RSPH14: variants seen among roughly 807,000 people sequenced by gnomAD.
RSPH14 encodes the protein rhabdoid tumor deletion region gene 1.
RSPH14 carries 20 observed loss-of-function variants against 26.7 expected under a neutral mutation model. The ratio of observed to expected loss-of-function variants is 0.75; its 90% confidence interval spans 0.53 to 1.09. The LOEUF is 1.09. RSPH14 is among the 50% of genes least tolerant of loss of function. The probability of loss-of-function intolerance (pLI) is 0.00; values close to 1 mark genes in which losing one functional copy is unlikely to be tolerated. For synonymous variants in RSPH14, 177 were observed against 189.3 expected, an observed-to-expected ratio of 0.93 and a Z score of 0.53; for missense variants, 449 against 457.2, an observed-to-expected ratio of 0.98 and a Z score of 0.16.
At chr22:23,156,296 A>G in the RSPH14 span, 2 of 383,978 alleles carry the variant, frequency 5.2e-6, no homozygotes, top group South Asian at 5.1e-5. Flanking sequence ...GCTCATAAAG[A>G]TGCTCAGAGA....
At chr22:23,111,135 T>C (rs2146362445) in intron 4 of RSPH14, among the ~76,000 whole-genome samples, 1 of 152,318 alleles carries the variant, frequency 6.6e-6, no homozygotes, top group African/African-American at 2.4e-5. Flanking sequence ...CTCCACCTGC[T>C]CTCACACTGA....
Position 23,138,852 on chromosome 22 carries a change from T to G in RSPH14, c.290A>C (p.His97Pro). Residue 97 changes from histidine (H) to proline (P), a missense_variant, in exon 3 of 7, where the codon CAT becomes CCT. Transcript: ENST00000216036. ...AACAGCATCCCACCTGCCCACGCTA[T>G]GGCTTGCCGTGATGTGGAGCACCTC... ...TTEVLHITAS[H>P]SVGRYAFLEH... The G allele has an allele frequency of 6.4e-7, 1 of 1,551,412 alleles. No individual in the cohort carries two copies. Among genetic ancestry groups the G allele is most frequent in the Non-Finnish European group, 8.7e-7 (1 of 1,147,106 alleles).
rs1001255152 is a variant in RSPH14, at chr22:23,059,577, G to A, written c.932C>T (p.Thr311Met). Residue 311 changes from threonine (T) to methionine (M), a missense_variant, in exon 7 of 7, where the codon ACG becomes ATG. Transcript: ENST00000216036. Reference protein sequence around the residue: ...EAPEGRKALQTHVPTFRAMEV... With the variant: ...EAPEGRKALQMHVPTFRAMEV... ...CATGGCACGGAAAGTGGGCACGTGCGTCTGCAGGGCCTTGCGGCCCTCGGG... is the reference window on the plus strand; with the variant it reads ...CATGGCACGGAAAGTGGGCACGTGCATCTGCAGGGCCTTGCGGCCCTCGGG... 9 of 1,614,074 alleles carry A rather than the reference G, an allele frequency of 5.6e-6. No individual in the cohort carries two copies. Among genetic ancestry groups the A allele is most frequent in the East Asian group, 4.5e-5 (2 of 44,902 alleles).
chr22:23,128,314 G>C (rs2070233356), intron 4 of RSPH14, among the ~76,000 whole-genome samples: 1 of 152,188 alleles, frequency 6.6e-6, no homozygotes, highest in Non-Finnish European at 1.5e-5. Context: ...GGACACTCTG[G>C]CCTCTTGGTT....
At position 23,095,481 on chromosome 22, in the gene RSPH14, GA is replaced by G; in HGVS notation, c.422-31349del. 4 of 575,674 alleles carry G rather than the reference GA, an allele frequency of 6.9e-6. No individual in the cohort carries two copies. In the South Asian group the frequency reaches 9.4e-5, roughly 14 times the overall value. 35.7% of individuals were successfully genotyped at this position (575,674 alleles called of 1,614,324 possible). On this transcript the variant is annotated intron_variant, in intron 4 of 6. Transcript: ENST00000216036. The stretch of plus-strand genomic sequence containing the variant: ...AGGGAGGTGGAGTGTCACTAGTGGG[GA>G]GGGGCGGCCACCGCCCGCTGCACAG...
At chr22:23,095,467 G>A in intron 4 of RSPH14, 2 of 553,262 alleles carry the variant, frequency 3.6e-6, no homozygotes, top group South Asian at 2.5e-5. Context: ...GGGAGGTGGA[G>A]TGTCACTAGT....
intron 4 of RSPH14, chr22:23,124,383 A>G (rs1440573415): frequency 4.3e-6 from 2 of 468,708 alleles, no homozygotes; most frequent in Non-Finnish European, 8.9e-6. Flanking sequence ...TATCTGGACG[A>G]TCTGTCTCTC....
At chr22:23,082,002 G>A (rs545676076) in intron 4 of RSPH14, among the ~76,000 whole-genome samples, 89 of 150,608 alleles carry the variant, frequency 5.9e-4, no homozygotes, top group Admixed American at 1.1e-3. Flanking sequence ...GCGGGCACCT[G>A]TAGTCCTAGC....
At chr22:23,114,143 G>A (rs949569832) in intron 4 of RSPH14, among the ~76,000 whole-genome samples, 1 of 152,218 alleles carries the variant, frequency 6.6e-6, no homozygotes, top group Non-Finnish European at 1.5e-5. Context: ...GCCCTGGTCA[G>A]GCCTGGTGGC....
chr22:23,095,842 C>T (rs1450405078), intron 4 of RSPH14: 17 of 1,613,760 alleles, frequency 1.1e-5, no homozygotes, highest in Non-Finnish European at 1.4e-5. Context: ...AGAGCACCAT[C>T]GTCAAACAGA....
chr22:23,151,952 A>G, the RSPH14 span, among the ~76,000 whole-genome samples: 1 of 152,288 alleles, frequency 6.6e-6, no homozygotes, highest in East Asian at 1.9e-4. Context: ...CGGTGGTGTC[A>G]TGGTCAGGGA....
intron 4 of RSPH14, among the ~76,000 whole-genome samples, chr22:23,082,247 C>T (rs556360397): frequency 2.0e-5 from 3 of 151,712 alleles, no homozygotes; most frequent in African/African-American, 4.8e-5. Flanking sequence ...TTTTGAGTCT[C>T]GCCCTGTTGA....
At chr22:23,135,608 A>C (rs2146444459) in intron 3 of RSPH14, among the ~76,000 whole-genome samples, 1 of 152,300 alleles carries the variant, frequency 6.6e-6, no homozygotes, top group Middle Eastern at 3.4e-3. Context: ...AAAAAAACCA[A>C]AGCTGCAAAT....
intron 3 of RSPH14, among the ~76,000 whole-genome samples, chr22:23,135,099 A>C (rs1342359209): frequency 6.6e-6 from 1 of 152,072 alleles, no homozygotes; most frequent in Non-Finnish European, 1.5e-5. Context: ...TGAGCCTAGG[A>C]GTTTAAGGCT....
intron 4 of RSPH14, among the ~76,000 whole-genome samples, chr22:23,118,140 T>C (rs1432889772): frequency 6.6e-6 from 1 of 152,216 alleles, no homozygotes. Context: ...TGGACCTGTC[T>C]GAGCAGGAGC....
chr22:23,114,479 C>T (rs926798799), intron 4 of RSPH14, among the ~76,000 whole-genome samples: 1 of 152,196 alleles, frequency 6.6e-6, no homozygotes, highest in African/African-American at 2.4e-5. Flanking sequence ...TCCCCTCAGC[C>T]CCCAGAGGTC....
At chr22:23,062,602 C>A (rs1272075125) in intron 5 of RSPH14, among the ~76,000 whole-genome samples, 1 of 152,212 alleles carries the variant, frequency 6.6e-6, no homozygotes, top group Non-Finnish European at 1.5e-5. Context: ...ACCAAAGAAC[C>A]CTCATTTTTG....
At chr22:23,090,457 G>A (rs5759584) in intron 4 of RSPH14, among the ~76,000 whole-genome samples, 36,099 of 152,018 alleles carry the variant, frequency 0.24, 4,614 homozygotes, top group East Asian at 0.35. Flanking sequence ...TGGCTTCAGC[G>A]CAGCAGCCAG....
the RSPH14 span, among the ~76,000 whole-genome samples, chr22:23,160,199 C>T: frequency 2.0e-5 from 3 of 152,284 alleles, no homozygotes; most frequent in Non-Finnish European, 4.4e-5. Flanking sequence ...TTCAGCCCAG[C>T]GCAAACAACT....
Sources: gnomAD v4.1 joint callset for allele counts (sites outside exome capture counted in the v4.1 genomes callset) on GRCh38, gnomAD v4.1.1 for gene constraint, MANE v1.5 for transcripts, NCBI Gene and HGNC (gene_info 2026-07-23, HGNC 2026-07-21) for gene names.